Variants in HFM1 observed in about 807,000 individuals in gnomAD.
HFM1 encodes helicase for meiosis 1.
HFM1 carries 169 observed loss-of-function variants against 192.1 expected under a neutral mutation model. The ratio of observed to expected loss-of-function variants is 0.88; its 90% CI spans 0.78 to 1.00. The LOEUF is 1.00. Ranked by LOEUF, HFM1 falls within the 50% of genes least tolerant of loss-of-function variation. The pLI, the probability that HFM1 is intolerant of heterozygous loss-of-function variation, is 0.00. For synonymous variants in HFM1, 525 were observed against 537.8 expected, an observed-to-expected ratio of 0.98 and a Z score of 0.33; for missense variants, 1,661 against 1,668.0, an observed-to-expected ratio of 1.00 and a Z score of 0.07.
At position 91,394,167 on chromosome 1, in the gene HFM1, C is replaced by A. The variant is rs1663347133; in HGVS notation, c.420G>T (p.Lys140Asn). ...CTAATTTTGTATCATCAGGAACACT[C>A]TTCTCAGGTGCTATCTCAGTGCCAA... ...NHIGTEIAPE[K>N]SVPDDTKLVN... The change falls in exon 4 of 39, where the codon AAG becomes AAT. Residue 140 changes from lysine to asparagine, a missense_variant. Physicochemically the swap from Lys to Asn is moderately conservative, Grantham distance 94 (BLOSUM62 0). Coordinates refer to ENST00000370425, the MANE Select transcript of HFM1 (RefSeq NM_001017975.6). 1.2e-6 allele frequency: 2 copies of A among 1,609,624 alleles called. No individual in the cohort carries two copies. Among genetic ancestry groups the A allele is most frequent in the Admixed American group, 1.7e-5 (1 of 59,950 alleles).
chr1:91,394,947 G>T (rs146221018), intron 3 of HFM1, among the ~76,000 whole-genome samples: 1 of 151,812 alleles, frequency 6.6e-6, no homozygotes, highest in Non-Finnish European at 1.5e-5. Flanking sequence ...GAATTTGGAC[G>T]TCTTACTAGA....
At chr1:91,389,097 T>C (rs181602081) in intron 4 of HFM1, among the ~76,000 whole-genome samples, 32 of 151,788 alleles carry the variant, frequency 2.1e-4, no homozygotes, top group African/African-American at 6.3e-4. Flanking sequence ...GATTCATATG[T>C]TGAGGCCCTA....
At chr1:91,364,303 A>G (rs1658930277) in intron 13 of HFM1, among the ~76,000 whole-genome samples, 2 of 151,998 alleles carry the variant, frequency 1.3e-5, no homozygotes, top group Admixed American at 1.3e-4. Flanking sequence ...AATACAGGTG[A>G]TGGTGTGGAA....
In HFM1 at chr1:91,315,815, G is replaced by A. The variant is rs754765102; in HGVS notation, c.3140C>T (p.Thr1047Met). 30 of 1,595,408 alleles carry A rather than the reference G, an allele frequency of 1.9e-5. No individual in the cohort carries two copies. Among genetic ancestry groups the A allele is most frequent in the African/African-American group, 5.4e-5 (4 of 74,184 alleles). ...CAAACATCAGAAATTTCACACTTAC[G>A]TAATCTTGTGCAGATAAACTACTTG... ...DNQVVYLHKI[T>M]DSVLLKAGSW... is the part of the protein sequence containing the mutation. Residue 1047 changes from threonine to methionine, a missense_variant and splice_region_variant, in exon 28 of 39, where the codon ACG (threonine) becomes ATG (methionine). Physicochemically the swap from Thr to Met is moderately conservative, Grantham distance 81 (BLOSUM62 -1). Transcript: ENST00000370425.
chr1:91,260,931 T>C lies in HFM1; in HGVS notation c.*359A>G, dbSNP rs1014949241. 1.3e-5 allele frequency: 2 copies of C among 156,384 alleles called. No homozygotes were observed. Among genetic ancestry groups the C allele is most frequent in the African/African-American group, 4.8e-5 (2 of 41,696 alleles). The allele number at this position is 156,384 out of a possible 1,614,324, so 9.7% of individuals were successfully genotyped here. ...TTAAGTTAGCATTACTTTGCTTTCA[T>C]AGAATATTTTTCTTCTTGTTAAGAA... is the stretch of plus-strand genomic sequence containing the variant. On this transcript the variant is annotated 3_prime_UTR_variant, in exon 39 of 39. Coordinates refer to ENST00000370425, the MANE Select transcript of HFM1 (RefSeq NM_001017975.6).
At chr1:91,343,785 C>T (rs986574965) in intron 19 of HFM1, among the ~76,000 whole-genome samples, 2 of 152,088 alleles carry the variant, frequency 1.3e-5, no homozygotes, top group Non-Finnish European at 2.9e-5. Context: ...AAATGATACA[C>T]ATGTATTACC....
intron 30 of HFM1, among the ~76,000 whole-genome samples, chr1:91,285,917 TG>T (rs1335216235): frequency 1.3e-5 from 2 of 152,100 alleles, no homozygotes; most frequent in African/African-American, 4.8e-5. Flanking sequence ...CTTAGTCACT[TG>T]GTAGGTGTCT....
chr1:91,343,756 C>T (rs1655717316), intron 19 of HFM1, among the ~76,000 whole-genome samples: 1 of 152,078 alleles, frequency 6.6e-6, no homozygotes, highest in Non-Finnish European at 1.5e-5. Flanking sequence ...AGAAATAACA[C>T]TTAAAACTTG....
intron 30 of HFM1, among the ~76,000 whole-genome samples, chr1:91,285,805 T>A (rs536160508): frequency 2.6e-5 from 4 of 152,208 alleles, no homozygotes; most frequent in Non-Finnish European, 5.9e-5. Context: ...TGTACATCAT[T>A]CTGAGTAGCA....
chr1:91,270,907 C>G (rs912591444), intron 34 of HFM1, among the ~76,000 whole-genome samples: 2 of 152,214 alleles, frequency 1.3e-5, no homozygotes, highest in Non-Finnish European at 2.9e-5. Flanking sequence ...GTCAATTGCT[C>G]TTTCAATTAA....
At chr1:91,358,562 A>C (rs1384868638) in intron 13 of HFM1, among the ~76,000 whole-genome samples, 1 of 152,214 alleles carries the variant, frequency 6.6e-6, no homozygotes, top group Non-Finnish European at 1.5e-5. Flanking sequence ...AGTTTCTTCT[A>C]TAAATGAGGC....
chr1:91,384,292 G>A (rs1661909605), intron 6 of HFM1, among the ~76,000 whole-genome samples: 1 of 152,074 alleles, frequency 6.6e-6, no homozygotes, highest in Non-Finnish European at 1.5e-5. Flanking sequence ...ATAGATCATG[G>A]GGAAACAGTC....
Position 91,264,361 on chromosome 1 carries a change from A to ATTTTTTTTTTTTTTTTTTTTTTTTT in HFM1, c.3974+1631_3974+1655dup, listed in dbSNP as rs71087940. 2.6e-3 allele frequency among the ~76,000 whole-genome samples: 146 copies of ATTTTTTTTTTTTTTTTTTTTTTTTT among 57,090 alleles called. 28 individuals are homozygous for ATTTTTTTTTTTTTTTTTTTTTTTTT. The highest frequency in any genetic ancestry group is 5.9e-3 in the East Asian group (11 of 1,872). 37.5% of individuals were successfully genotyped at this position (57,090 alleles called of 152,430 possible). On this transcript the variant is annotated intron_variant, in intron 36 of 38. Transcript: ENST00000370425. ...TTCCAAGGGATACCACAAATTTAGT[A>ATTTTTTTTTTTTTTTTTTTTTTTTT]TTTTTTTTTTTTTTTTTTTTTTTTT...
chr1:91,313,581 C>A, intron 29 of HFM1, 86 bp from the exon 30 acceptor site: 1 of 921,066 alleles, frequency 1.1e-6, no homozygotes, highest in Non-Finnish European at 1.5e-6. Flanking sequence ...ATCTCTCTTA[C>A]ATTTTTATAA....
chr1:91,298,224 G>A (rs569445726), intron 30 of HFM1, among the ~76,000 whole-genome samples: 1 of 152,266 alleles, frequency 6.6e-6, no homozygotes, highest in East Asian at 1.9e-4. Context: ...GAAGCGAGAA[G>A]AGAAGTTTAG....
intron 30 of HFM1, among the ~76,000 whole-genome samples, chr1:91,277,433 C>G (rs1411462600): frequency 6.7e-6 from 1 of 149,680 alleles, no homozygotes; most frequent in Non-Finnish European, 1.5e-5. Flanking sequence ...CACTATTACT[C>G]CCAACAAGAA....
chr1:91,321,058 T>C (rs992277140), intron 23 of HFM1, among the ~76,000 whole-genome samples: 12 of 152,318 alleles, frequency 7.9e-5, no homozygotes, highest in Admixed American at 4.6e-4. Context: ...GTCAGTTCAC[T>C]GAAAAATACC....
chr1:91,328,150 C>T (rs1653202048), intron 20 of HFM1, among the ~76,000 whole-genome samples: 1 of 151,974 alleles, frequency 6.6e-6, no homozygotes, highest in Non-Finnish European at 1.5e-5. Flanking sequence ...ATGAAGAAAA[C>T]AATACAAAAG....
At chr1:91,380,810 G>A in intron 7 of HFM1, 102 bp downstream of exon 7, 1 of 682,658 alleles carries the variant, frequency 1.5e-6, no homozygotes. Flanking sequence ...CATGGAGTGT[G>A]GCAGTGCAGA....
Sources: gnomAD v4.1 joint callset for allele counts (sites outside exome capture counted in the v4.1 genomes callset) on GRCh38, gnomAD v4.1.1 for gene constraint, MANE v1.5 for transcripts, NCBI Gene and HGNC (gene_info 2026-07-23, HGNC 2026-07-21) for gene names.